The following PRKAR1A variants were observed in gnomAD, a reference collection of about 807,000 sequenced individuals.
The protein encoded by PRKAR1A is cAMP-dependent protein kinase type I-alpha regulatory subunit.
A neutral mutation model predicts 52.0 loss-of-function variants in PRKAR1A; 3 were observed. The ratio of observed to expected loss-of-function variants is 0.06; its 90% CI spans 0.03 to 0.15. The LOEUF (loss-of-function observed/expected upper bound fraction) is 0.15. Ranked by LOEUF, PRKAR1A falls within the 10% of genes least tolerant of loss-of-function variation. The pLI, the probability that PRKAR1A is intolerant of heterozygous loss-of-function variation, is 1.00. For synonymous variants in PRKAR1A, 188 were observed against 168.4 expected (o/e 1.12, Z -0.90); for missense variants, 240 against 477.4 (o/e 0.50, Z 4.63).
At chr17:68,427,418 G>A in the PRKAR1A span, 34 of 486,810 alleles carry the variant, frequency 7.0e-5, no homozygotes, top group African/African-American at 1.6e-4. Flanking sequence ...GTGCAGTGGC[G>A]CAATCTCGGC....
At chr17:68,484,428 C>A in the PRKAR1A span, among the ~76,000 whole-genome samples, 1 of 149,870 alleles carries the variant, frequency 6.7e-6, no homozygotes, top group Non-Finnish European at 1.5e-5. Context: ...TTGTATCCTA[C>A]AACCTTGCTA....
At chr17:68,480,221 T>C in the PRKAR1A span, among the ~76,000 whole-genome samples, 3 of 152,234 alleles carry the variant, frequency 2.0e-5, no homozygotes, top group Non-Finnish European at 2.9e-5. Flanking sequence ...GTAAACATAC[T>C]TGATTGAAAG....
chr17:68,437,005 A>AAATATATATAT, the PRKAR1A span, among the ~76,000 whole-genome samples: 76 of 107,246 alleles, frequency 7.1e-4, 1 homozygote, highest in Middle Eastern at 0.011. Flanking sequence ...AAAAAAAAAA[A>AAATATATATAT]ATATATATAT....
the PRKAR1A span, chr17:68,426,254 G>GGGGCCCCC: frequency 1.2e-6 from 1 of 816,920 alleles, no homozygotes; most frequent in Non-Finnish European, 1.9e-6. Flanking sequence ...GGGAGCGGGG[G>GGGGCCCCC]CTCAAATAAA....
chr17:68,513,691 T>C (rs77748872), intron 1 of PRKAR1A, among the ~76,000 whole-genome samples: 4,349 of 152,362 alleles, frequency 0.029, 184 homozygotes, highest in African/African-American at 0.099. Context: ...GAAGTCTGGT[T>C]ATTCAGGGAT....
chr17:68,532,345 A>G lies in PRKAR1A; in HGVS notation c.*1896A>G, dbSNP rs1448028455. 2.8e-6 allele frequency: 3 copies of G among 1,055,092 alleles called. No individual in the cohort carries two copies. Among genetic ancestry groups the G allele is most frequent in the African/African-American group, 1.6e-5 (1 of 60,954 alleles). 65.4% of individuals were successfully genotyped at this position (1,055,092 alleles called of 1,614,324 possible). A position where few individuals can be genotyped will look rare whatever the true frequency, so the allele number is the denominator to read the frequency against. On this transcript the variant is annotated 3_prime_UTR_variant, in exon 11 of 11. Coordinates refer to ENST00000589228, the MANE Select transcript of PRKAR1A (RefSeq NM_002734.5). ...TGTATGTATATAATCATGCTCATGTATATTTAGTTACGTATAATGCTTTCT... is the reference window on the plus strand; with the variant it reads ...TGTATGTATATAATCATGCTCATGTGTATTTAGTTACGTATAATGCTTTCT...
chr17:68,428,821 C>A, the PRKAR1A span: 4 of 1,608,348 alleles, frequency 2.5e-6, no homozygotes, highest in Non-Finnish European at 3.4e-6. Flanking sequence ...GAAAAGCAGT[C>A]TCTTCACCTG....
At chr17:68,511,676 G>C (rs965306862), upstream of PRKAR1A, 10 of 152,366 alleles carry the variant, frequency 6.6e-5, no homozygotes, top group African/African-American at 2.4e-4. Flanking sequence ...GGGGGAGAGC[G>C]GCCCCAGCGG....
chr17:68,430,126 T>C, the PRKAR1A span: 2 of 1,614,044 alleles, frequency 1.2e-6, no homozygotes, highest in Non-Finnish European at 1.7e-6. Context: ...ATCTTTCCCA[T>C]GTAGCCACTC....
At chr17:68,536,283 T>C (rs927279806), downstream of PRKAR1A, 40 of 454,022 alleles carry the variant, frequency 8.8e-5, no homozygotes, top group Non-Finnish European at 1.5e-4. Flanking sequence ...ACTGGAAAAG[T>C]TGATTTGATG....
At chr17:68,501,074 T>C in the PRKAR1A span, among the ~76,000 whole-genome samples, 2 of 151,586 alleles carry the variant, frequency 1.3e-5, no homozygotes, top group African/African-American at 2.4e-5. Flanking sequence ...CATAAGTCCA[T>C]GTGGAGAGAG....
chr17:68,498,190 G>GT, the PRKAR1A span, among the ~76,000 whole-genome samples: 1 of 152,106 alleles, frequency 6.6e-6, no homozygotes, highest in Non-Finnish European at 1.5e-5. Flanking sequence ...TTTTCTCTCC[G>GT]TAACGACCAT....
At chr17:68,469,337 CT>C in the PRKAR1A span, among the ~76,000 whole-genome samples, 1 of 151,826 alleles carries the variant, frequency 6.6e-6, no homozygotes, top group African/African-American at 2.4e-5. Flanking sequence ...CCCCCAGGAG[CT>C]TTTTTTTCTT....
intron 11 of PRKAR1A, chr17:68,540,974 A>C (rs200983670): frequency 4.5e-6 from 7 of 1,568,464 alleles, no homozygotes; most frequent in East Asian, 2.3e-5. Flanking sequence ...GGGGAGAAGA[A>C]GTCCTGGGGC....
At position 68,546,829 on chromosome 17, in the gene PRKAR1A, CAAAAA is replaced by C. The variant is rs35112614; in HGVS notation, c.974-4239_974-4235del. The stretch of plus-strand genomic sequence containing the variant: ...TGGGCGAGAGTGCGAGACTACGGCT[CAAAAA>C]AAAAAAAAAAAAAAAGGTAAGACTT... On this transcript the variant is annotated intron_variant, in intron 11 of 11. Coordinates refer to the PRKAR1A transcript ENST00000585981. 3.6e-5 allele frequency among the ~76,000 whole-genome samples: 3 copies of C among 84,008 alleles called. No homozygotes were observed. In the East Asian group the frequency reaches 9.4e-4, roughly 26 times the overall value. The allele number at this position is 84,008 out of a possible 152,430, so 55.1% of individuals were successfully genotyped here. A position where few individuals can be genotyped will look rare whatever the true frequency, so the allele number is the denominator to read the frequency against.
At chr17:68,444,232 G>A in the PRKAR1A span, among the ~76,000 whole-genome samples, 1 of 152,144 alleles carries the variant, frequency 6.6e-6, no homozygotes, top group Non-Finnish European at 1.5e-5. Flanking sequence ...TACGTGCCTT[G>A]ACACATTTGC....
At chr17:68,463,716 A>C in the PRKAR1A span, among the ~76,000 whole-genome samples, 1 of 152,208 alleles carries the variant, frequency 6.6e-6, no homozygotes, top group Non-Finnish European at 1.5e-5. Context: ...CAGGTTATGC[A>C]GTCATATGGG....
chr17:68,547,775 T>A (rs1176005339), intron 11 of PRKAR1A, among the ~76,000 whole-genome samples: 1 of 152,242 alleles, frequency 6.6e-6, no homozygotes, highest in Non-Finnish European at 1.5e-5. Flanking sequence ...GAGGCTGTTT[T>A]GCTTTCTTAT....
chr17:68,536,997 G>A (rs1404407317), downstream of PRKAR1A: 3 of 454,878 alleles, frequency 6.6e-6, no homozygotes, highest in Admixed American at 2.3e-5. Flanking sequence ...ACCTGTCAGA[G>A]TTACTGTTGC....
Sources: allele counts gnomAD v4.1 joint callset (sites outside exome capture counted in the v4.1 genomes callset), GRCh38; gene constraint gnomAD v4.1.1; transcripts MANE v1.5; gene names NCBI Gene and HGNC (gene_info 2026-07-23, HGNC 2026-07-21).